Variants in GRM8 observed in about 807,000 individuals in gnomAD.
GRM8 encodes glutamate metabotropic receptor 8.
A neutral mutation model predicts 87.2 loss-of-function variants in GRM8; 47 were observed. The observed-to-expected ratio is 0.54, with a 90% CI of 0.43 to 0.69. GRM8 has a LOEUF of 0.69. Ranked by LOEUF, GRM8 falls within the 30% of genes least tolerant of loss-of-function variation. GRM8 has a pLI of 0.00. For missense variants in GRM8, 1,019 were observed against 1,139.2 expected (o/e 0.89, Z 1.52); for synonymous variants, 396 against 404.5 (o/e 0.98, Z 0.25).
At chr7:126,893,638 C>T (rs1742639161) in intron 6 of GRM8, among the ~76,000 whole-genome samples, 1 of 151,876 alleles carries the variant, frequency 6.6e-6, no homozygotes, top group African/African-American at 2.4e-5. Context: ...GGATACAGAC[C>T]CTGCTTACTA....
At chr7:126,876,867 T>C (rs997971402) in intron 6 of GRM8, among the ~76,000 whole-genome samples, 1 of 151,930 alleles carries the variant, frequency 6.6e-6, no homozygotes, top group Admixed American at 6.6e-5. Context: ...ACTTGGGAAA[T>C]ATACAGTACT....
chr7:127,217,382 A>G (rs1411800307), intron 2 of GRM8, among the ~76,000 whole-genome samples: 1 of 152,216 alleles, frequency 6.6e-6, no homozygotes, highest in African/African-American at 2.4e-5. Context: ...ACTGGCAGGC[A>G]TGGTGGAAAA....
At chr7:126,857,348 T>C (rs1378052484) in intron 6 of GRM8, among the ~76,000 whole-genome samples, 2 of 152,138 alleles carry the variant, frequency 1.3e-5, no homozygotes, top group African/African-American at 4.8e-5. Flanking sequence ...GTTACCCAGG[T>C]AAAGAAAGGA....
chr7:126,673,270 A>G lies in GRM8; in HGVS notation c.1358-63772T>C, dbSNP rs148555823. ...CACTGTTCAGATGATCTGCAAGCCT[A>G]CGTTTTTATGGCTTTGGGACAGACA... is the stretch of plus-strand genomic sequence containing the variant. On this transcript the variant is annotated intron_variant, in intron 7 of 10. Transcript: ENST00000339582. 3.5e-3 allele frequency among the ~76,000 whole-genome samples: 539 copies of G among 152,244 alleles called. 4 individuals carry two copies. The highest frequency in any genetic ancestry group is 0.013 in the African/African-American group (520 of 41,532).
intron 3 of GRM8, among the ~76,000 whole-genome samples, chr7:127,020,589 A>G (rs926430125): frequency 3.9e-5 from 6 of 152,054 alleles, no homozygotes; most frequent in Non-Finnish European, 8.8e-5. Context: ...AGTAGCCACA[A>G]TCATGGATAC....
At chr7:126,787,823 A>G (rs537035991) in intron 6 of GRM8, among the ~76,000 whole-genome samples, 23 of 152,228 alleles carry the variant, frequency 1.5e-4, no homozygotes, top group African/African-American at 3.6e-4. Flanking sequence ...ATGCCTCAAT[A>G]TGAAAATTCA....
chr7:126,954,006 T>G (rs1436703036), intron 3 of GRM8, among the ~76,000 whole-genome samples: 3 of 152,174 alleles, frequency 2.0e-5, no homozygotes, highest in Non-Finnish European at 4.4e-5. Flanking sequence ...GCCTCTTGTT[T>G]CTACCAAACG....
rs558116629 is a variant in GRM8 at position 126,816,266 on chromosome 7, CT to C, written c.1157-46202del. 2.3e-4 allele frequency among the ~76,000 whole-genome samples: 35 copies of C among 152,216 alleles called. No homozygotes were observed. In the East Asian group the frequency reaches 2.7e-3, roughly 12 times the overall value. ...TATCAGAGCATGTATAGTATCTTTG[CT>C]TTTTTAAATTCAATATAAGGCTTTA... is the stretch of plus-strand genomic sequence containing the variant. On this transcript the variant is annotated intron_variant, in intron 6 of 10. Transcript: ENST00000339582.
At chr7:126,459,221 A>G (rs1386472456) in intron 9 of GRM8, among the ~76,000 whole-genome samples, 1 of 151,582 alleles carries the variant, frequency 6.6e-6, no homozygotes, top group Non-Finnish European at 1.5e-5. Flanking sequence ...ACCAATAAAT[A>G]TATACATCTA....
chr7:127,045,718 C>T (rs1293544792), intron 3 of GRM8, among the ~76,000 whole-genome samples: 6 of 152,172 alleles, frequency 3.9e-5, no homozygotes, highest in Admixed American at 2.6e-4. Context: ...CATAACTTCT[C>T]AAGCTACCTC....
intron 2 of GRM8, among the ~76,000 whole-genome samples, chr7:127,200,352 T>C (rs897631528): frequency 6.6e-6 from 1 of 152,204 alleles, no homozygotes; most frequent in Non-Finnish European, 1.5e-5. Context: ...TAATTTCCAC[T>C]TGTGGCAGGA....
chr7:126,671,873 G>A (rs568221129), intron 7 of GRM8, among the ~76,000 whole-genome samples: 15 of 152,266 alleles, frequency 9.9e-5, no homozygotes, highest in Admixed American at 3.9e-4. Flanking sequence ...TGTTGGAGGA[G>A]AACTCAGCTC....
Position 126,673,551 on chromosome 7 carries a change from C to T in GRM8, c.1358-64053G>A, listed in dbSNP as rs185621765. Among the ~76,000 whole-genome samples the T allele has an allele frequency of 1.6e-4, 25 of 152,250 alleles. No individual in the cohort carries two copies. In the East Asian group the frequency reaches 4.8e-3, roughly 29 times the overall value. On this transcript the variant is annotated intron_variant, in intron 7 of 10. Transcript: ENST00000339582. ...TCAACACACCAAGAACACATGGATT[C>T]CCATCCTCCCACTGTCTTTATAGAC...
intron 3 of GRM8, among the ~76,000 whole-genome samples, chr7:127,089,761 T>C (rs1018911567): frequency 1.3e-5 from 2 of 152,220 alleles, no homozygotes; most frequent in African/African-American, 4.8e-5. Flanking sequence ...AATCACAGAA[T>C]AGAGCTCATC....
chr7:127,162,552 C>G (rs191335413), intron 2 of GRM8, among the ~76,000 whole-genome samples: 1 of 152,290 alleles, frequency 6.6e-6, no homozygotes, highest in Non-Finnish European at 1.5e-5. Flanking sequence ...CCCCTTCTCT[C>G]TTTTTGCTAG....
intron 6 of GRM8, among the ~76,000 whole-genome samples, chr7:126,888,633 T>C (rs1022084311): frequency 6.6e-6 from 1 of 152,114 alleles, no homozygotes. Flanking sequence ...TGAATTGGCA[T>C]ATCTGGAGTC....
chr7:126,650,317 TG>T (rs955504553), intron 7 of GRM8, among the ~76,000 whole-genome samples: 2 of 152,166 alleles, frequency 1.3e-5, no homozygotes, highest in African/African-American at 4.8e-5. Flanking sequence ...AATGGCCTCA[TG>T]GGGAGTTCCC....
chr7:126,763,946 A>C (rs1210485403), intron 7 of GRM8, among the ~76,000 whole-genome samples: 1 of 151,798 alleles, frequency 6.6e-6, no homozygotes, highest in Admixed American at 6.6e-5. Flanking sequence ...GTTGTCTTCA[A>C]ACAGGTTCAA....
chr7:126,600,632 A>G (rs1002369113), intron 8 of GRM8, among the ~76,000 whole-genome samples: 7 of 152,188 alleles, frequency 4.6e-5, no homozygotes, highest in Non-Finnish European at 8.8e-5. Flanking sequence ...ATTATTCATG[A>G]CATATTAAAT....
Sources: gnomAD v4.1 joint callset for allele counts (sites outside exome capture counted in the v4.1 genomes callset) on GRCh38, gnomAD v4.1.1 for gene constraint, MANE v1.5 for transcripts, NCBI Gene and HGNC (gene_info 2026-07-23, HGNC 2026-07-21) for gene names.